NCOR1: variants seen among roughly 807,000 people sequenced by gnomAD.
The protein encoded by NCOR1 is protein phosphatase 1, regulatory subunit 109.
A neutral mutation model predicts 288.1 loss-of-function variants in NCOR1; 63 were observed. The observed-to-expected ratio is 0.22, with a 90% CI of 0.18 to 0.27. The LOEUF is 0.27. Ranked by LOEUF, NCOR1 falls within the 10% of genes least tolerant of loss-of-function variation. NCOR1 has a pLI of 1.00. For synonymous variants in NCOR1, 1,007 were observed against 1,065.9 expected, an observed-to-expected ratio of 0.94 and a Z score of 1.08; for missense variants, 2,397 against 3,019.2, an observed-to-expected ratio of 0.79 and a Z score of 4.83.
chr17:16,126,281 C>G, intron 14 of NCOR1, 75 bp from the exon 15 acceptor site: 2 of 1,385,718 alleles, frequency 1.4e-6, no homozygotes, highest in South Asian at 3.7e-5. Flanking sequence ...TAAATTATGT[C>G]TATCTAAAAA....
intron 3 of NCOR1, among the ~76,000 whole-genome samples, chr17:16,178,199 G>A (rs2084630153): frequency 6.9e-6 from 1 of 144,002 alleles, no homozygotes; most frequent in South Asian, 2.2e-4. Flanking sequence ...GCAAAACTCT[G>A]TCTCAAAAAA....
In NCOR1 at chr17:16,031,207, G is replaced by C. The variant is rs1045955167; in HGVS notation, c.*1089C>G. The stretch of plus-strand genomic sequence containing the variant: ...GGGAGCAAAGTGAGAGTAAATGCTG[G>C]TCCATAGTGATGGGGAAAAAGGACT... On this transcript the variant is annotated 3_prime_UTR_variant, in exon 46 of 46. Coordinates refer to ENST00000268712, the MANE Select transcript of NCOR1 (RefSeq NM_006311.4). 1 of 199,796 alleles carries C rather than the reference G, an allele frequency of 5.0e-6. No homozygotes were observed. The highest frequency in any genetic ancestry group is 1.0e-5 in the Non-Finnish European group (1 of 96,924). The allele number at this position is 199,796 out of a possible 1,614,324, so 12.4% of individuals were successfully genotyped here. A position where few individuals can be genotyped will look rare whatever the true frequency, so the allele number is the denominator to read the frequency against.
At position 16,037,132 on chromosome 17, in the gene NCOR1, A is replaced by G. The variant is rs539110724; in HGVS notation, c.6956-2188T>C. On this transcript the variant is annotated intron_variant, in intron 44 of 45. Coordinates refer to ENST00000268712, the MANE Select transcript of NCOR1 (RefSeq NM_006311.4). Reference sequence around the variant, plus strand: ...CAGGGAATAAGGGAGCCAGAGGAGGAGAGAGACAGGGAACAACCAGTCAGT... The same window carrying G: ...CAGGGAATAAGGGAGCCAGAGGAGGGGAGAGACAGGGAACAACCAGTCAGT... 1.3e-3 allele frequency among the ~76,000 whole-genome samples: 199 copies of G among 152,320 alleles called. 1 individual carries two copies. Among genetic ancestry groups the G allele is most frequent in the African/African-American group, 4.5e-3 (189 of 41,576 alleles).
intron 23 of NCOR1, among the ~76,000 whole-genome samples, chr17:16,083,281 G>A (rs2063682054): frequency 6.6e-6 from 1 of 151,766 alleles, no homozygotes; most frequent in African/African-American, 2.4e-5. Context: ...AGGCTGAGGT[G>A]GGAGGACTGC....
intron 6 of NCOR1, among the ~76,000 whole-genome samples, chr17:16,157,606 C>T (rs1328887743): frequency 6.6e-6 from 1 of 152,164 alleles, no homozygotes; most frequent in Non-Finnish European, 1.5e-5. Flanking sequence ...GATAGACTGA[C>T]AGATGAATCC....
intron 40 of NCOR1, among the ~76,000 whole-genome samples, chr17:16,054,061 A>G (rs1264715405): frequency 6.8e-6 from 1 of 146,026 alleles, no homozygotes; most frequent in African/African-American, 2.6e-5. Flanking sequence ...TGGATTAAAG[A>G]CTTAAATGTA....
chr17:16,060,791 C>G (rs2060472348), intron 37 of NCOR1, among the ~76,000 whole-genome samples: 1 of 152,134 alleles, frequency 6.6e-6, no homozygotes, highest in Non-Finnish European at 1.5e-5. Flanking sequence ...CTTGTTCTTT[C>G]TGCAATTCCA....
chr17:16,117,804 A>AGTC, intron 18 of NCOR1, 84 bp downstream of exon 18: 1 of 1,394,680 alleles, frequency 7.2e-7, no homozygotes, highest in East Asian at 2.4e-5. Flanking sequence ...CCTGGGTGAT[A>AGTC]GAGTGAGACT....
intron 40 of NCOR1, among the ~76,000 whole-genome samples, chr17:16,053,905 T>A (rs1035318015): frequency 1.1e-4 from 16 of 151,932 alleles, no homozygotes; most frequent in African/African-American, 3.9e-4. Flanking sequence ...CCTACAACTG[T>A]CTGATCTTCG....
intron 1 of NCOR1, among the ~76,000 whole-genome samples, chr17:16,200,511 A>T (rs1167313968): frequency 2.0e-5 from 3 of 150,936 alleles, no homozygotes; most frequent in African/African-American, 7.3e-5. Flanking sequence ...AAAAAAAAAA[A>T]AAAAAAAAAA....
rs2060960334 is a variant in NCOR1 at position 16,064,979 on chromosome 17, C to T, written c.4992G>A (p.Val1664=). ...DLTNMPPTIL[V]PHPGGTSTPP... is the part of the protein sequence containing the mutation. The stretch of plus-strand genomic sequence containing the variant: ...GAGTGCTTGTTCCCCCTGGATGAGG[C>T]ACTAAAATTGTTGGAGGCATATTGG... Residue 1664 remains valine (V), a synonymous_variant, in exon 34 of 46, where the codon GTG becomes GTA. Coordinates refer to ENST00000268712, the MANE Select transcript of NCOR1 (RefSeq NM_006311.4). 6.2e-7 allele frequency: 1 copy of T among 1,613,758 alleles called. No homozygotes were observed. Among genetic ancestry groups the T allele is most frequent in the African/African-American group, 1.3e-5 (1 of 74,848 alleles).
At chr17:16,128,671 A>G (rs1411447943) in intron 14 of NCOR1, among the ~76,000 whole-genome samples, 1 of 152,178 alleles carries the variant, frequency 6.6e-6, no homozygotes, top group Non-Finnish European at 1.5e-5. Context: ...TAGCAACTCT[A>G]CCTGTCCTCT....
At position 16,132,421 on chromosome 17, in the gene NCOR1, G is replaced by A. The variant is rs982523015; in HGVS notation, c.1509+4890C>T. The stretch of plus-strand genomic sequence containing the variant: ...AATGTACATAGAATCAAACTATTAC[G>A]TAGGGCATAATCCTAGATCCTAAAT... On this transcript the variant is annotated intron_variant, in intron 14 of 45. Transcript: ENST00000268712. Among the ~76,000 whole-genome samples, 8 of 152,150 alleles carry A rather than the reference G, an allele frequency of 5.3e-5. No individual in the cohort carries two copies. The South Asian group carries it at 6.2e-4, about 12-fold the overall frequency.
At chr17:16,087,117 T>C in intron 22 of NCOR1, 5 of 1,233,570 alleles carry the variant, frequency 4.1e-6, no homozygotes, top group Non-Finnish European at 5.4e-6. Context: ...ACCACCCACG[T>C]GGAACATCTG....
At chr17:16,135,828 C>T (rs1267493924) in intron 14 of NCOR1, among the ~76,000 whole-genome samples, 1 of 152,112 alleles carries the variant, frequency 6.6e-6, no homozygotes, top group Non-Finnish European at 1.5e-5. Context: ...GGGTCAATAA[C>T]CTATATCTGG....
intron 20 of NCOR1, among the ~76,000 whole-genome samples, chr17:16,099,322 T>C (rs2067196294): frequency 6.6e-6 from 1 of 152,180 alleles, no homozygotes; most frequent in African/African-American, 2.4e-5. Flanking sequence ...TATTTCCCAG[T>C]GTTGTCATGG....
intron 42 of NCOR1, among the ~76,000 whole-genome samples, chr17:16,041,885 C>T (rs936913223): frequency 6.6e-6 from 1 of 152,150 alleles, no homozygotes; most frequent in Admixed American, 6.5e-5. Flanking sequence ...TACAGGCGCC[C>T]GCCACTATGC....
At chr17:16,040,646 GTAT>G in intron 42 of NCOR1, 152 bp from the exon 43 acceptor site, 1 of 760,480 alleles carries the variant, frequency 1.3e-6, no homozygotes, top group South Asian at 1.6e-5. Flanking sequence ...TAAAATGGAA[GTAT>G]TTTTTTTTTT....
intron 5 of NCOR1, 31 bp downstream of exon 5, chr17:16,164,948 T>C (rs768489081): frequency 6.9e-7 from 1 of 1,451,206 alleles, no homozygotes; most frequent in Non-Finnish European, 9.3e-7. Flanking sequence ...CAAACATACA[T>C]TCTTAGAATA....
Sources: allele counts gnomAD v4.1 joint callset (sites outside exome capture counted in the v4.1 genomes callset), GRCh38; gene constraint gnomAD v4.1.1; transcripts MANE v1.5; gene names NCBI Gene and HGNC (gene_info 2026-07-23, HGNC 2026-07-21).